The following LEPR variants were observed in gnomAD, a reference collection of about 807,000 sequenced individuals.
LEPR encodes OB receptor.
In LEPR, 56 loss-of-function variants were observed where a neutral mutation model predicts 114.7. The ratio of observed to expected loss-of-function variants is 0.49; its 90% CI spans 0.39 to 0.61. LEPR has a LOEUF of 0.61. Among genes scored for constraint, LEPR ranks in the 20% least tolerant of loss-of-function variants. LEPR has a pLI of 0.00. For synonymous variants in LEPR, 443 were observed against 461.4 expected (o/e 0.96, Z 0.51); for missense variants, 1,202 against 1,352.9 (o/e 0.89, Z 1.75).
At chr1:65,426,110 G>T (rs1225110756) in intron 2 of LEPR, among the ~76,000 whole-genome samples, 3 of 134,624 alleles carry the variant, frequency 2.2e-5, no homozygotes, top group Admixed American at 2.1e-4. Context: ...ACAGTGGTCA[G>T]GGAGGGCCTC....
chr1:65,491,970 T>C (rs899829097), intron 2 of LEPR, among the ~76,000 whole-genome samples: 1 of 152,098 alleles, frequency 6.6e-6, no homozygotes, highest in Non-Finnish European at 1.5e-5. Context: ...TTAGAATCCT[T>C]TTAGAATTTA....
At chr1:65,629,726 C>G (rs1167573219) in intron 19 of LEPR, among the ~76,000 whole-genome samples, 2 of 151,046 alleles carry the variant, frequency 1.3e-5, no homozygotes, top group Non-Finnish European at 1.5e-5. Flanking sequence ...CCTTCTCTTC[C>G]CTCCCCTCCC....
chr1:65,620,091 C>A, intron 17 of LEPR, 68 bp downstream of exon 17: 1 of 1,172,726 alleles, frequency 8.5e-7, no homozygotes, highest in Non-Finnish European at 1.3e-6. Context: ...AGTAATATTG[C>A]CATCTGATTA....
intron 2 of LEPR, among the ~76,000 whole-genome samples, chr1:65,460,841 C>T (rs549502731): frequency 1.3e-5 from 2 of 150,814 alleles, no homozygotes; most frequent in Admixed American, 1.3e-4. Context: ...CACTCTGTCT[C>T]AAAACAAAAA....
intron 2 of LEPR, among the ~76,000 whole-genome samples, chr1:65,522,266 C>T (rs1397896280): frequency 6.6e-6 from 1 of 152,108 alleles, no homozygotes; most frequent in Non-Finnish European, 1.5e-5. Flanking sequence ...GTTCCACTTT[C>T]TCCCTGCCCT....
At chr1:65,581,325 C>T (rs964565475) in intron 5 of LEPR, among the ~76,000 whole-genome samples, 1 of 152,112 alleles carries the variant, frequency 6.6e-6, no homozygotes, top group African/African-American at 2.4e-5. Flanking sequence ...CTTGGCTCCC[C>T]CTTCTGGGTG....
At chr1:65,532,687 C>T (rs748096339) in intron 2 of LEPR, among the ~76,000 whole-genome samples, 3 of 152,218 alleles carry the variant, frequency 2.0e-5, no homozygotes, top group East Asian at 1.9e-4. Flanking sequence ...TGCTTCAACA[C>T]GATGATCCTT....
chr1:65,555,515 A>G (rs1652752944), intron 2 of LEPR, among the ~76,000 whole-genome samples: 1 of 152,102 alleles, frequency 6.6e-6, no homozygotes. Flanking sequence ...TTAAACTGTT[A>G]TTTTTAATAG....
At chr1:65,520,396 G>A (rs1627238) in intron 2 of LEPR, among the ~76,000 whole-genome samples, 38,315 of 151,994 alleles carry the variant, frequency 0.25, 6,090 homozygotes, top group African/African-American at 0.44. Flanking sequence ...TATTATTTTC[G>A]CATCCCTCTG....
chr1:65,618,910 C>T (rs1166461805), intron 16 of LEPR, among the ~76,000 whole-genome samples: 1 of 152,142 alleles, frequency 6.6e-6, no homozygotes, highest in Non-Finnish European at 1.5e-5. Context: ...ACTTATAATG[C>T]CACTAACAAT....
chr1:65,571,822 TAACTG>T (rs1654193835), intron 4 of LEPR, among the ~76,000 whole-genome samples: 1 of 83,570 alleles, frequency 1.2e-5, no homozygotes, highest in Non-Finnish European at 2.4e-5. Flanking sequence ...AAAAAAAAAT[TAACTG>T]GGCATGGTGG....
chr1:65,505,588 C>G (rs919520744), intron 2 of LEPR, among the ~76,000 whole-genome samples: 2 of 151,834 alleles, frequency 1.3e-5, no homozygotes, highest in African/African-American at 4.8e-5. Flanking sequence ...AAGTCTTTCC[C>G]TTCTTCATCA....
At chr1:65,575,625 C>A (rs557387160) in intron 5 of LEPR, among the ~76,000 whole-genome samples, 9 of 150,840 alleles carry the variant, frequency 6.0e-5, no homozygotes, top group Non-Finnish European at 1.3e-4. Flanking sequence ...TTAGAACATA[C>A]TAAACAAATG....
chr1:65,505,644 C>G (rs917327661), intron 2 of LEPR, among the ~76,000 whole-genome samples: 3 of 152,180 alleles, frequency 2.0e-5, no homozygotes, highest in African/African-American at 7.2e-5. Context: ...GCTCCCACCC[C>G]CTCTGGCTCA....
intron 2 of LEPR, 50 bp downstream of exon 2, chr1:65,425,428 C>CTAT (rs1360040003): frequency 6.7e-7 from 1 of 1,496,654 alleles, no homozygotes; most frequent in Non-Finnish European, 9.1e-7. Context: ...GTCTTTGTCA[C>CTAT]TATTAGTATG....
chr1:65,631,783 T>C (rs1349430406), intron 19 of LEPR, among the ~76,000 whole-genome samples: 1 of 152,196 alleles, frequency 6.6e-6, no homozygotes. Flanking sequence ...AAAAGAACTA[T>C]TACCTTTCTT....
intron 2 of LEPR, among the ~76,000 whole-genome samples, chr1:65,497,725 T>C (rs1420995197): frequency 2.6e-5 from 4 of 152,176 alleles, no homozygotes; most frequent in African/African-American, 9.7e-5. Context: ...GGCATTTTCC[T>C]GTATTTGCTC....
At chr1:65,446,456 T>G (rs1278838092) in intron 2 of LEPR, among the ~76,000 whole-genome samples, 1 of 152,188 alleles carries the variant, frequency 6.6e-6, no homozygotes, top group Admixed American at 6.5e-5. Flanking sequence ...TTCATTGCCA[T>G]GTGGGTTTGG....
At chr1:65,552,330 T>C (rs982966444) in intron 2 of LEPR, among the ~76,000 whole-genome samples, 1 of 152,186 alleles carries the variant, frequency 6.6e-6, no homozygotes, top group African/African-American at 2.4e-5. Context: ...ACTATTATCA[T>C]GTGGCAGTTT....
Sources: allele counts gnomAD v4.1 joint callset (sites outside exome capture counted in the v4.1 genomes callset), GRCh38; gene constraint gnomAD v4.1.1; transcripts MANE v1.5; gene names NCBI Gene and HGNC (gene_info 2026-07-23, HGNC 2026-07-21).